CRACR2A: variants seen among roughly 807,000 people sequenced by gnomAD.
CRACR2A encodes EF-hand calcium-binding domain-containing protein 4B.
In CRACR2A, 79 loss-of-function variants were observed where a neutral mutation model predicts 90.5. The observed-to-expected ratio is 0.87, with a 90% CI of 0.73 to 1.05. CRACR2A has a LOEUF of 1.05. Among genes scored for constraint, CRACR2A ranks in the 50% least tolerant of loss-of-function variants. CRACR2A has a pLI of 0.00. For missense variants in CRACR2A, 823 were observed against 897.2 expected (o/e 0.92, Z 1.06); for synonymous variants, 338 against 356.7 (o/e 0.95, Z 0.59).
At chr12:3,630,299 G>A (rs180719907) in intron 15 of CRACR2A, among the ~76,000 whole-genome samples, 199 of 152,328 alleles carry the variant, frequency 1.3e-3, no homozygotes, top group African/African-American at 4.5e-3. Flanking sequence ...GTGGGTTAGC[G>A]CTGGGCTGAC....
In CRACR2A at chr12:3,746,877, T is replaced by C. The variant is rs1413079425; in HGVS notation, c.-387+6138A>G. Reference sequence around the variant, plus strand: ...CAAGGGGAGGAGTACACCCTTAGCATGGAACTCAACCACAAGCTCTCAAAA... The same window carrying C: ...CAAGGGGAGGAGTACACCCTTAGCACGGAACTCAACCACAAGCTCTCAAAA... On this transcript the variant is annotated intron_variant, in intron 1 of 19. Coordinates refer to ENST00000440314, the MANE Select transcript of CRACR2A (RefSeq NM_001144958.2). This position sits in a 1 kb window ranked among gnomAD's most constrained non-coding sequence, Gnocchi z 4.4. 6.6e-6 allele frequency among the ~76,000 whole-genome samples: 1 copy of C among 152,240 alleles called. No homozygotes were observed. Among genetic ancestry groups the C allele is most frequent in the Non-Finnish European group, 1.5e-5 (1 of 68,040 alleles).
At chr12:3,717,228 C>G (rs1946095546) in intron 2 of CRACR2A, among the ~76,000 whole-genome samples, 1 of 152,182 alleles carries the variant, frequency 6.6e-6, no homozygotes, top group Non-Finnish European at 1.5e-5. Context: ...GGCTGGCTTC[C>G]TGGCCTCTAG....
chr12:3,693,559 G>A (rs1187091624), intron 4 of CRACR2A, among the ~76,000 whole-genome samples: 9 of 152,086 alleles, frequency 5.9e-5, no homozygotes, highest in East Asian at 3.9e-4. Context: ...TTATTTCTCC[G>A]CTTATGAAGC....
At chr12:3,742,132 G>A (rs1946536664) in intron 1 of CRACR2A, among the ~76,000 whole-genome samples, 2 of 152,234 alleles carry the variant, frequency 1.3e-5, no homozygotes, top group African/African-American at 4.8e-5. Context: ...GGCAAATCAT[G>A]AACAGCTGCC....
At chr12:3,619,402 A>G (rs1299624421) in intron 17 of CRACR2A, 30 bp from the exon 18 acceptor site, 1 of 1,531,310 alleles carries the variant, frequency 6.5e-7, no homozygotes, top group Admixed American at 2.0e-5. Flanking sequence ...TTCAACTGAG[A>G]GGGGTGTCAT....
intron 17 of CRACR2A, among the ~76,000 whole-genome samples, chr12:3,621,017 A>T (rs1373258847): frequency 6.6e-6 from 1 of 152,216 alleles, no homozygotes; most frequent in East Asian, 1.9e-4. Flanking sequence ...TTGTGCGAAG[A>T]GCTTTTCACG....
At chr12:3,723,214 T>C (rs1266309214) in intron 2 of CRACR2A, among the ~76,000 whole-genome samples, 1 of 152,160 alleles carries the variant, frequency 6.6e-6, no homozygotes, top group Non-Finnish European at 1.5e-5. Flanking sequence ...GCATGCCATG[T>C]CTGCAGCACA....
At chr12:3,717,411 G>A (rs911560839) in intron 2 of CRACR2A, among the ~76,000 whole-genome samples, 5 of 152,084 alleles carry the variant, frequency 3.3e-5, no homozygotes, top group African/African-American at 9.7e-5. Context: ...ATATCCATAC[G>A]CACAACTCAA....
At chr12:3,743,809 A>G (rs1565510578) in intron 1 of CRACR2A, among the ~76,000 whole-genome samples, 1 of 152,152 alleles carries the variant, frequency 6.6e-6, no homozygotes, top group Non-Finnish European at 1.5e-5. Context: ...CCTGTGCCCT[A>G]AAGAAAGTTC....
intron 15 of CRACR2A, among the ~76,000 whole-genome samples, chr12:3,632,217 A>G (rs1461088916): frequency 1.3e-5 from 2 of 152,118 alleles, no homozygotes; most frequent in African/African-American, 2.4e-5. Context: ...ACCTTCCGCC[A>G]TAACTGTAAG....
chr12:3,640,656 G>A lies in CRACR2A; in HGVS notation c.1271+1076C>T. ...TCAGGCCCAAAGGTTTTACTGATGA[G>A]CTGATTTACATCTCCAGAGTCACTT... On this transcript the variant is annotated intron_variant, in intron 13 of 19. Transcript: ENST00000440314. The A allele has an allele frequency of 3.8e-6, 5 of 1,305,422 alleles. No homozygotes were observed. In the South Asian group the frequency reaches 6.2e-5, roughly 16 times the overall value. The allele number at this position is 1,305,422 out of a possible 1,614,324, so 80.9% of individuals were successfully genotyped here.
chr12:3,727,252 AAGG>A (rs1946285376), intron 2 of CRACR2A: 1 of 151,934 alleles, frequency 6.6e-6, no homozygotes, highest in Admixed American at 6.6e-5. Flanking sequence ...GTAAATCTTG[AAGG>A]AGAATATCAG....
intron 1 of CRACR2A, among the ~76,000 whole-genome samples, chr12:3,742,295 GTC>G (rs1026407758): frequency 3.3e-5 from 5 of 152,194 alleles, no homozygotes; most frequent in African/African-American, 1.2e-4. Context: ...GAGAGGGTGA[GTC>G]TCTGAGGGTG....
intron 4 of CRACR2A, among the ~76,000 whole-genome samples, chr12:3,681,853 G>C (rs1425279846): frequency 1.3e-5 from 2 of 152,214 alleles, no homozygotes; most frequent in African/African-American, 4.8e-5. Flanking sequence ...GGGAGACTAT[G>C]ATGCATTATA....
At chr12:3,648,463 G>C in intron 11 of CRACR2A, 79 bp downstream of exon 11, 2 of 1,607,208 alleles carry the variant, frequency 1.2e-6, no homozygotes, top group Non-Finnish European at 1.7e-6. Flanking sequence ...ACGTAGGCAA[G>C]GATGACCCTC....
chr12:3,726,710 C>G (rs141800905), intron 2 of CRACR2A: 1 of 151,812 alleles, frequency 6.6e-6, no homozygotes, highest in Non-Finnish European at 1.5e-5. Flanking sequence ...ATAAGTGTAG[C>G]GTCATGATAA....
At chr12:3,637,988 G>T in intron 14 of CRACR2A, 136 bp downstream of exon 14, 4 of 839,512 alleles carry the variant, frequency 4.8e-6, no homozygotes, top group Non-Finnish European at 7.2e-6. Context: ...AGTGGTATTT[G>T]GAGGACACAT....
At chr12:3,622,797 C>A (rs1944173360) in intron 17 of CRACR2A, among the ~76,000 whole-genome samples, 1 of 152,142 alleles carries the variant, frequency 6.6e-6, no homozygotes, top group Non-Finnish European at 1.5e-5. Flanking sequence ...AAAATTATAT[C>A]TTGGGGGTTT....
At chr12:3,659,419 T>A in intron 8 of CRACR2A, 145 bp downstream of exon 8, 1 of 633,858 alleles carries the variant, frequency 1.6e-6, no homozygotes, top group Admixed American at 2.8e-5. Context: ...TGTGTGAAGG[T>A]GATAAATGCC....
Sources: gnomAD v4.1 joint callset for allele counts (sites outside exome capture counted in the v4.1 genomes callset) on GRCh38, gnomAD v4.1.1 for gene constraint, Gnocchi (gnomAD v3.1) non-coding constraint, MANE v1.5 for transcripts, NCBI Gene and HGNC (gene_info 2026-07-23, HGNC 2026-07-21) for gene names.